The following RPS6KC1 variants were observed in gnomAD, a reference collection of about 807,000 sequenced individuals.
RPS6KC1 encodes ribosomal protein S6 kinase C1.
A neutral mutation model predicts 103.8 loss-of-function variants in RPS6KC1; 54 were observed. That is an observed-to-expected ratio of 0.52 (90% CI 0.42 to 0.65). The LOEUF (loss-of-function observed/expected upper bound fraction) is 0.65. Among genes scored for constraint, RPS6KC1 ranks in the 30% least tolerant of loss-of-function variants. The pLI is 0.00. For missense variants in RPS6KC1, 1,151 were observed against 1,253.8 expected (o/e 0.92, Z 1.24); for synonymous variants, 439 against 438.7 (o/e 1.00, Z -0.01).
chr1:213,760,848 CTTTTTT>C, the RPS6KC1 span, among the ~76,000 whole-genome samples: 1 of 117,202 alleles, frequency 8.5e-6, no homozygotes, highest in Non-Finnish European at 1.8e-5. Context: ...TGTGAGTCTA[CTTTTTT>C]TTTTTTTTTT....
the RPS6KC1 span, among the ~76,000 whole-genome samples, chr1:213,634,436 C>A: frequency 7.9e-5 from 12 of 152,206 alleles, no homozygotes; most frequent in East Asian, 2.3e-3. Context: ...CACTGAAAAC[C>A]ACACAACTAC....
At chr1:213,424,565 C>T in the RPS6KC1 span, among the ~76,000 whole-genome samples, 2 of 152,262 alleles carry the variant, frequency 1.3e-5, no homozygotes, top group Admixed American at 6.5e-5. Context: ...GGGCCTGGCC[C>T]AGGCCAGTGA....
At chr1:213,306,424 G>T in the RPS6KC1 span, among the ~76,000 whole-genome samples, 2 of 152,288 alleles carry the variant, frequency 1.3e-5, no homozygotes, top group South Asian at 4.1e-4. Context: ...TTGATAAATA[G>T]GGAATGATGA....
chr1:213,371,865 T>C, the RPS6KC1 span, among the ~76,000 whole-genome samples: 2 of 152,112 alleles, frequency 1.3e-5, no homozygotes, highest in African/African-American at 4.8e-5. Flanking sequence ...GCATTTGAAC[T>C]TGTGAGTCTG....
chr1:213,714,850 C>T, the RPS6KC1 span, among the ~76,000 whole-genome samples: 2 of 152,214 alleles, frequency 1.3e-5, no homozygotes, highest in African/African-American at 2.4e-5. Context: ...CAGCCATTCA[C>T]AGGCTGTTTG....
chr1:213,352,585 A>G, the RPS6KC1 span, among the ~76,000 whole-genome samples: 36 of 152,220 alleles, frequency 2.4e-4, no homozygotes, highest in Non-Finnish European at 4.3e-4. Context: ...TAAAGGAAAC[A>G]CATACTATAA....
chr1:213,813,479 A>T, the RPS6KC1 span, among the ~76,000 whole-genome samples: 3 of 152,124 alleles, frequency 2.0e-5, no homozygotes, highest in Non-Finnish European at 4.4e-5. Context: ...AGTCAGGTTA[A>T]CATGAAATAA....
At chr1:213,578,565 G>T in the RPS6KC1 span, among the ~76,000 whole-genome samples, 1 of 152,166 alleles carries the variant, frequency 6.6e-6, no homozygotes, top group Non-Finnish European at 1.5e-5. Flanking sequence ...AAGACCATGA[G>T]GTTCATCAGT....
At chr1:213,148,947 T>C (rs1356993646) in intron 6 of RPS6KC1, among the ~76,000 whole-genome samples, 3 of 152,180 alleles carry the variant, frequency 2.0e-5, no homozygotes, top group African/African-American at 7.2e-5. Context: ...TTCTAGACTT[T>C]CCAATTTATT....
At chr1:213,650,140 T>C in the RPS6KC1 span, among the ~76,000 whole-genome samples, 1 of 152,162 alleles carries the variant, frequency 6.6e-6, no homozygotes, top group Admixed American at 6.5e-5. Context: ...CTCCCTATGT[T>C]GCCCAACCAG....
At chr1:213,793,770 T>C in the RPS6KC1 span, among the ~76,000 whole-genome samples, 1 of 152,208 alleles carries the variant, frequency 6.6e-6, no homozygotes, top group Non-Finnish European at 1.5e-5. Context: ...ATGAACACTT[T>C]TCTGTCTGAT....
intron 8 of RPS6KC1, among the ~76,000 whole-genome samples, chr1:213,203,710 C>T (rs996766788): frequency 6.6e-6 from 1 of 152,072 alleles, no homozygotes; most frequent in African/African-American, 2.4e-5. Flanking sequence ...TATAATTCAC[C>T]TATAACCCTG....
chr1:213,566,736 G>GT, the RPS6KC1 span, among the ~76,000 whole-genome samples: 104 of 149,096 alleles, frequency 7.0e-4, 1 homozygote, highest in East Asian at 0.01. Flanking sequence ...CTATGACTAT[G>GT]TTTTTTTTTG....
At chr1:213,129,444 A>C in intron 5 of RPS6KC1, 83 bp from the exon 6 acceptor site, 1 of 1,413,172 alleles carries the variant, frequency 7.1e-7, no homozygotes, top group Non-Finnish European at 9.6e-7. Context: ...GGATAATATG[A>C]AAAATGAATA....
chr1:213,696,502 CAAA>C, the RPS6KC1 span, among the ~76,000 whole-genome samples: 62 of 120,912 alleles, frequency 5.1e-4, no homozygotes, highest in African/African-American at 2.3e-3. Flanking sequence ...AACTCCGTCT[CAAA>C]AAAAAAAAAA....
At chr1:213,258,557 C>G (rs1232906132) in intron 12 of RPS6KC1, among the ~76,000 whole-genome samples, 1 of 152,144 alleles carries the variant, frequency 6.6e-6, no homozygotes, top group African/African-American at 2.4e-5. Flanking sequence ...TGTGCTGCTT[C>G]ATGTGTGTTG....
At chr1:213,433,412 G>A in the RPS6KC1 span, among the ~76,000 whole-genome samples, 1 of 152,190 alleles carries the variant, frequency 6.6e-6, no homozygotes, top group Non-Finnish European at 1.5e-5. Flanking sequence ...AGCTTCCAGG[G>A]ATTAGAGTGT....
At chr1:213,511,577 A>C in the RPS6KC1 span, among the ~76,000 whole-genome samples, 1 of 152,172 alleles carries the variant, frequency 6.6e-6, no homozygotes, top group Admixed American at 6.5e-5. Context: ...TTTCAGAGAA[A>C]TGGCCAAAGT....
At chr1:213,773,544 T>C in the RPS6KC1 span, among the ~76,000 whole-genome samples, 1 of 149,008 alleles carries the variant, frequency 6.7e-6, no homozygotes, top group Non-Finnish European at 1.5e-5. Flanking sequence ...TAGATATATA[T>C]ATCTCTATAT....
Sources: allele counts gnomAD v4.1 joint callset (sites outside exome capture counted in the v4.1 genomes callset), GRCh38; gene constraint gnomAD v4.1.1; transcripts MANE v1.5; gene names NCBI Gene and HGNC (gene_info 2026-07-23, HGNC 2026-07-21).